The following WWOX variants were observed in gnomAD, a reference collection of about 807,000 sequenced individuals.
WWOX encodes WW domain containing oxidoreductase.
A neutral mutation model predicts 46.2 loss-of-function variants in WWOX; 69 were observed. That is an observed-to-expected ratio of 1.49 (90% CI 1.23 to 1.82). The LOEUF (loss-of-function observed/expected upper bound fraction) is 1.82, where lower values mean the gene tolerates loss of function less well. Ranked by LOEUF, WWOX falls within the 40% of genes most tolerant of loss-of-function variation. The pLI is 0.00. For missense variants in WWOX, 919 were observed against 542.6 expected, an observed-to-expected ratio of 1.69 and a Z score of -6.89; for synonymous variants, 359 against 202.6, an observed-to-expected ratio of 1.77 and a Z score of -6.56.
Position 78,192,712 on chromosome 16 carries a change from T to C in WWOX, c.516+28423T>C, listed in dbSNP as rs190728725. On this transcript the variant is annotated intron_variant, in intron 5 of 8. Coordinates refer to ENST00000566780, the MANE Select transcript of WWOX (RefSeq NM_016373.4). ...ACAGATAATGGTGGATATAGTCTCT[T>C]CCTTGTTTATTTTTTGACAGAATCT... is the stretch of plus-strand genomic sequence containing the variant. 3.5e-3 allele frequency among the ~76,000 whole-genome samples: 531 copies of C among 152,326 alleles called. 1 individual carries two copies. The highest frequency in any genetic ancestry group is 0.011 in the African/African-American group (476 of 41,572).
chr16:78,110,429 T>C lies in WWOX; in HGVS notation c.230+594T>C, dbSNP rs553278558. On this transcript the variant is annotated intron_variant, in intron 3 of 8. Coordinates refer to ENST00000566780, the MANE Select transcript of WWOX (RefSeq NM_016373.4). ...CATGTAATATATTATGAGCATTTTC[T>C]TGTATCCATATCTATTTTTCAAAAA... Among the ~76,000 whole-genome samples the C allele has an allele frequency of 5.3e-4, 80 of 152,256 alleles. 1 individual carries two copies. The South Asian group carries it at 0.016, about 31-fold the overall frequency.
chr16:79,050,394 C>A (rs1225794510), intron 8 of WWOX, among the ~76,000 whole-genome samples: 2 of 152,198 alleles, frequency 1.3e-5, no homozygotes, highest in Non-Finnish European at 2.9e-5. Flanking sequence ...CCAGACATGA[C>A]TTTCTTATGG....
chr16:79,144,292 C>CA (rs1313167094), intron 8 of WWOX, among the ~76,000 whole-genome samples: 3 of 152,204 alleles, frequency 2.0e-5, no homozygotes, highest in Non-Finnish European at 2.9e-5. Context: ...TTTAGCCTGT[C>CA]AAGACTTCAG....
At chr16:78,654,442 A>G (rs2047036074) in intron 8 of WWOX, among the ~76,000 whole-genome samples, 1 of 152,232 alleles carries the variant, frequency 6.6e-6, no homozygotes, top group Non-Finnish European at 1.5e-5. Flanking sequence ...CAATATAGTA[A>G]TGAACAAAAC....
intron 8 of WWOX, among the ~76,000 whole-genome samples, chr16:78,487,400 A>G (rs559984284): frequency 6.6e-6 from 1 of 152,100 alleles, no homozygotes; most frequent in Non-Finnish European, 1.5e-5. Flanking sequence ...AACTAATGAG[A>G]TCTATTAAGG....
chr16:78,478,770 C>A lies in WWOX; in HGVS notation c.1056+46018C>A, dbSNP rs116483787. Reference sequence around the variant, plus strand: ...GTATGTGCTCAGCAATCTAGCAGTTCAAACTAGACAGCTGGTTCTGGTGGT... The same window carrying A: ...GTATGTGCTCAGCAATCTAGCAGTTAAAACTAGACAGCTGGTTCTGGTGGT... On this transcript the variant is annotated intron_variant, in intron 8 of 8. Coordinates refer to ENST00000566780, the MANE Select transcript of WWOX (RefSeq NM_016373.4). Among the ~76,000 whole-genome samples, 1,084 of 152,304 alleles carry A rather than the reference C, an allele frequency of 7.1e-3. 13 individuals carry two copies. Among genetic ancestry groups the A allele is most frequent in the African/African-American group, 0.022 (908 of 41,570 alleles).
chr16:78,790,508 C>G (rs977369657), intron 8 of WWOX, among the ~76,000 whole-genome samples: 3 of 152,142 alleles, frequency 2.0e-5, no homozygotes, highest in African/African-American at 4.8e-5. Flanking sequence ...CTACCTACAA[C>G]TTTAAGAGTT....
At chr16:78,320,161 A>G (rs1309678525) in intron 5 of WWOX, among the ~76,000 whole-genome samples, 1 of 152,210 alleles carries the variant, frequency 6.6e-6, no homozygotes, top group East Asian at 1.9e-4. Context: ...GACTGTATAC[A>G]GAGTCTGAGC....
intron 8 of WWOX, among the ~76,000 whole-genome samples, chr16:79,161,307 C>T (rs1317205614): frequency 6.6e-6 from 1 of 152,108 alleles, no homozygotes; most frequent in Non-Finnish European, 1.5e-5. Flanking sequence ...CCTCCTAAGC[C>T]TCAGCTTATC....
intron 8 of WWOX, chr16:78,525,950 T>A (rs1219472584): frequency 6.6e-6 from 1 of 152,208 alleles, no homozygotes; most frequent in Non-Finnish European, 1.5e-5. Flanking sequence ...TATCATTTGA[T>A]TGGAACATTG....
intron 8 of WWOX, among the ~76,000 whole-genome samples, chr16:78,772,877 T>A (rs1189542792): frequency 6.6e-6 from 1 of 151,936 alleles, no homozygotes. Flanking sequence ...ATCAAAAAAA[T>A]AATGGGGTGC....
intron 8 of WWOX, among the ~76,000 whole-genome samples, chr16:78,987,607 C>G (rs1024588080): frequency 6.6e-6 from 1 of 152,164 alleles, no homozygotes; most frequent in Non-Finnish European, 1.5e-5. Context: ...GGACTTTCCT[C>G]TATGCTCCCT....
chr16:79,158,033 G>C (rs1184363267), intron 8 of WWOX, among the ~76,000 whole-genome samples: 1 of 152,198 alleles, frequency 6.6e-6, no homozygotes, highest in African/African-American at 2.4e-5. Context: ...GCCCCCAAGT[G>C]AGTTGTTTGC....
At chr16:78,773,958 C>G (rs988187950) in intron 8 of WWOX, among the ~76,000 whole-genome samples, 1 of 152,198 alleles carries the variant, frequency 6.6e-6, no homozygotes, top group African/African-American at 2.4e-5. Flanking sequence ...AAACATGACT[C>G]TGAAAGCATG....
chr16:78,328,465 A>AT (rs1459164709), intron 5 of WWOX, among the ~76,000 whole-genome samples: 2 of 152,304 alleles, frequency 1.3e-5, no homozygotes, highest in East Asian at 3.9e-4. Flanking sequence ...GAGCTGTTTA[A>AT]TTTTCATTTC....
intron 8 of WWOX, among the ~76,000 whole-genome samples, chr16:78,693,500 T>C (rs911651086): frequency 6.6e-6 from 1 of 152,194 alleles, no homozygotes; most frequent in African/African-American, 2.4e-5. Context: ...ATAATACAAA[T>C]ATAATAGAAA....
At chr16:78,823,962 TG>T (rs1013267479) in intron 8 of WWOX, among the ~76,000 whole-genome samples, 2 of 152,018 alleles carry the variant, frequency 1.3e-5, no homozygotes, top group African/African-American at 4.8e-5. Context: ...TTTATTGAGA[TG>T]GGGTCTTCCT....
intron 5 of WWOX, among the ~76,000 whole-genome samples, chr16:78,239,961 G>A (rs542370031): frequency 6.6e-6 from 1 of 150,768 alleles, no homozygotes; most frequent in East Asian, 2.0e-4. Flanking sequence ...TTCTAAGCCA[G>A]TTGGACAGAC....
chr16:79,212,489 A>T lies in WWOX; in HGVS notation c.*693A>T, dbSNP rs1222737813. ...TCATTCCTTAGATACCTTGAAAGGC[A>T]GGAAGGGAAGCGTATATACTTAAGA... On this transcript the variant is annotated 3_prime_UTR_variant, in exon 9 of 9. Coordinates refer to ENST00000566780, the MANE Select transcript of WWOX (RefSeq NM_016373.4). The T allele has an allele frequency of 4.6e-6, 1 of 218,854 alleles. No individual in the cohort carries two copies. The highest frequency in any genetic ancestry group is 5.1e-5 in the Admixed American group (1 of 19,514). The allele number at this position is 218,854 out of a possible 1,614,324, so 13.6% of individuals were successfully genotyped here.
Sources: gnomAD v4.1 joint callset for allele counts (sites outside exome capture counted in the v4.1 genomes callset) on GRCh38, gnomAD v4.1.1 for gene constraint, MANE v1.5 for transcripts, NCBI Gene and HGNC (gene_info 2026-07-23, HGNC 2026-07-21) for gene names.